Variants in MTUS1 observed in about 807,000 individuals in gnomAD.
MTUS1 encodes microtubule-associated tumor suppressor 1.
In MTUS1, 109 loss-of-function variants were observed where a neutral mutation model predicts 120.8. That is an observed-to-expected ratio of 0.90 (90% confidence interval 0.77 to 1.06). The LOEUF is 1.06. Among genes scored for constraint, MTUS1 ranks in the 50% least tolerant of loss-of-function variants. MTUS1 has a pLI of 0.00. For synonymous variants in MTUS1, 737 were observed against 550.5 expected (o/e 1.34, Z -4.74); for missense variants, 2,210 against 1,486.3 (o/e 1.49, Z -8.01).
chr8:17,695,499 T>TA (rs896024350), intron 6 of MTUS1, among the ~76,000 whole-genome samples: 1 of 152,194 alleles, frequency 6.6e-6, no homozygotes, highest in African/African-American at 2.4e-5. Context: ...AAAATAGTTT[T>TA]ACGTAAGTTT....
chr8:17,761,999 G>A (rs901724672), intron 1 of MTUS1, among the ~76,000 whole-genome samples: 1 of 152,210 alleles, frequency 6.6e-6, no homozygotes, highest in Non-Finnish European at 1.5e-5. Context: ...AGCAGTTGAG[G>A]CCTGGTGCAG....
Position 17,654,647 on chromosome 8 carries a change from G to T in MTUS1, c.3128C>A (p.Ala1043Glu). The T allele has an allele frequency of 6.2e-7, 1 of 1,613,560 alleles. No individual in the cohort carries two copies. Among genetic ancestry groups the T allele is most frequent in the Admixed American group, 1.7e-5 (1 of 60,016 alleles). The change falls in exon 10 of 15, where the codon GCG becomes GAG. Residue 1043 changes from alanine to glutamate, a missense_variant. Transcript: ENST00000693296. Reference protein sequence around the residue: ...LQEQFDNLNAAHETSKLEIEA... With the variant: ...LQEQFDNLNAEHETSKLEIEA... The stretch of plus-strand genomic sequence containing the variant: ...AATTTCCAACTTAGAGGTTTCATGC[G>T]CAGCATTTAAGTTGTCAAACTGTAA...
rs181761729 is a variant in MTUS1 at position 17,723,962 on chromosome 8, T to C, written c.2288-129A>G. On this transcript the variant is annotated intron_variant, in intron 3 of 14. Transcript: ENST00000693296. ...AACACAAAATGAATGTTCACAATCA[T>C]GTAACTTCAGATGAAAGATGAAAGC... 18 of 717,514 alleles carry C rather than the reference T, an allele frequency of 2.5e-5. No homozygotes were observed. The East Asian group carries it at 4.1e-4, about 16-fold the overall frequency. 44.4% of individuals were successfully genotyped at this position (717,514 alleles called of 1,614,324 possible). A position where few individuals can be genotyped will look rare whatever the true frequency, so the allele number is the denominator to read the frequency against.
At chr8:17,654,291 C>G (rs1807711921) in intron 10 of MTUS1, 1 of 476,868 alleles carries the variant, frequency 2.1e-6, no homozygotes, top group Admixed American at 3.6e-5. Flanking sequence ...GGGACCTAAG[C>G]TGGCAACCAC....
chr8:17,800,229 C>T (rs1443082279), intron 1 of MTUS1, among the ~76,000 whole-genome samples: 3 of 152,074 alleles, frequency 2.0e-5, no homozygotes, highest in African/African-American at 7.2e-5. Flanking sequence ...CTGGTAACAC[C>T]CCTACTCCCA....
intron 8 of MTUS1, among the ~76,000 whole-genome samples, chr8:17,659,894 C>T (rs1324939208): frequency 6.6e-6 from 1 of 152,146 alleles, no homozygotes; most frequent in Non-Finnish European, 1.5e-5. Context: ...CTCCCCTTCC[C>T]CAAGGCCCTG....
In MTUS1 at chr8:17,656,427, G is replaced by T. The variant is rs560967182; in HGVS notation, c.2906-362C>A. On this transcript the variant is annotated intron_variant, in intron 8 of 14. Transcript: ENST00000693296. ...CCTGTAATCCCAGCTACTCGGGAGGGTGAGGCAGGAGAATTGCTTGAACCC... is the reference window on the plus strand; with the variant it reads ...CCTGTAATCCCAGCTACTCGGGAGGTTGAGGCAGGAGAATTGCTTGAACCC... Among the ~76,000 whole-genome samples the T allele has an allele frequency of 2.6e-5, 4 of 151,502 alleles. No homozygotes were observed. The East Asian group carries it at 7.9e-4, about 30-fold the overall frequency.
At chr8:17,764,219 G>C (rs2049281798) in intron 1 of MTUS1, among the ~76,000 whole-genome samples, 1 of 152,080 alleles carries the variant, frequency 6.6e-6, no homozygotes, top group Non-Finnish European at 1.5e-5. Flanking sequence ...GCCTGTGCTT[G>C]TTTAATATGA....
At chr8:17,770,249 C>T (rs1006328580) in intron 1 of MTUS1, among the ~76,000 whole-genome samples, 1 of 152,062 alleles carries the variant, frequency 6.6e-6, no homozygotes, top group East Asian at 1.9e-4. Flanking sequence ...CATTTTCAAA[C>T]GTTCTAGAAT....
Position 17,699,434 on chromosome 8 carries a change from C to T in MTUS1, c.2623+13780G>A, listed in dbSNP as rs147021767. 2.7e-3 allele frequency among the ~76,000 whole-genome samples: 414 copies of T among 152,158 alleles called. 2 individuals are homozygous for T. The highest frequency in any genetic ancestry group is 9.3e-3 in the African/African-American group (387 of 41,492). Reference sequence around the variant, plus strand: ...TTCACCATGTTGGCCAGGCTCGTCTCGAACTCCTGACCTCAGGTGATCCAC... The same window carrying T: ...TTCACCATGTTGGCCAGGCTCGTCTTGAACTCCTGACCTCAGGTGATCCAC... On this transcript the variant is annotated intron_variant, in intron 6 of 14. Coordinates refer to ENST00000693296, the MANE Select transcript of MTUS1 (RefSeq NM_001363059.2).
intron 3 of MTUS1, among the ~76,000 whole-genome samples, chr8:17,738,286 G>A (rs983933399): frequency 2.6e-5 from 4 of 152,172 alleles, no homozygotes; most frequent in African/African-American, 9.7e-5. Flanking sequence ...TGTGTTTGCT[G>A]CATAAACACG....
chr8:17,759,922 A>G (rs2048905029), intron 1 of MTUS1, among the ~76,000 whole-genome samples: 1 of 152,090 alleles, frequency 6.6e-6, no homozygotes, highest in African/African-American at 2.4e-5. Context: ...TAATTCACAA[A>G]AAGAGATTGG....
intron 7 of MTUS1, chr8:17,681,742 G>C (rs1198893123): frequency 6.5e-6 from 1 of 154,734 alleles, no homozygotes; most frequent in Non-Finnish European, 1.5e-5. Flanking sequence ...AGGGGCAGTT[G>C]TTGCCAAATG....
In MTUS1 at chr8:17,755,760, G is replaced by A. The variant is rs1013293206; in HGVS notation, c.48C>T (p.Thr16=). 3.1e-6 allele frequency: 5 copies of A among 1,613,750 alleles called. No homozygotes were observed. Among genetic ancestry groups the A allele is most frequent in the African/African-American group, 2.7e-5 (2 of 74,900 alleles). Residue 16 remains threonine (T), a synonymous_variant, in exon 2 of 15, where the codon ACC becomes ACT. Coordinates refer to ENST00000693296, the MANE Select transcript of MTUS1 (RefSeq NM_001363059.2). ...TTCCATCTTTATCACTGGTAAAGAAGGTTTGCAATTCATCTTCTATTTTAT... is the reference window on the plus strand; with the variant it reads ...TTCCATCTTTATCACTGGTAAAGAAAGTTTGCAATTCATCTTCTATTTTAT... ...SDDKIEDELQ[T]FFTSDKDGNT... is the part of the protein sequence containing the mutation.
At chr8:17,792,470 T>C (rs760730000) in intron 1 of MTUS1, among the ~76,000 whole-genome samples, 1 of 152,248 alleles carries the variant, frequency 6.6e-6, no homozygotes, top group Non-Finnish European at 1.5e-5. Context: ...AAATGTAGGA[T>C]TTTTCTTACC....
At chr8:17,688,439 T>C (rs563522042) in intron 6 of MTUS1, among the ~76,000 whole-genome samples, 2 of 152,360 alleles carry the variant, frequency 1.3e-5, no homozygotes, top group East Asian at 1.9e-4. Context: ...ACTGACTGGA[T>C]GGTAAGTCCT....
intron 1 of MTUS1, among the ~76,000 whole-genome samples, chr8:17,779,957 ATC>A (rs1309276280): frequency 6.6e-6 from 1 of 152,216 alleles, no homozygotes; most frequent in Non-Finnish European, 1.5e-5. Flanking sequence ...TTTAACAGGA[ATC>A]TCTGACATGG....
rs760655755 is a variant in MTUS1, at chr8:17,755,106, T to C, written c.702A>G (p.Thr234=). 1.9e-6 allele frequency: 3 copies of C among 1,613,862 alleles called. No individual in the cohort carries two copies. The highest frequency in any genetic ancestry group is 2.7e-5 in the African/African-American group (2 of 74,910). The change falls in exon 2 of 15, where the codon ACA becomes ACG. Residue 234 remains threonine (T), a synonymous_variant. Transcript: ENST00000693296. The stretch of plus-strand genomic sequence containing the variant: ...AAGTCATGTCTTGGGCTTCTGATGG[T>C]GTGACTTGAGGGTTTTCAAAGCTTT... ...DRESFENPQV[T]PSEAQDMTYT...
intron 2 of MTUS1, among the ~76,000 whole-genome samples, chr8:17,751,042 C>T (rs1208994815): frequency 6.6e-6 from 1 of 152,160 alleles, no homozygotes; most frequent in Non-Finnish European, 1.5e-5. Context: ...TCCGACCGGG[C>T]GCGATGGCTC....
Sources: allele counts gnomAD v4.1 joint callset (sites outside exome capture counted in the v4.1 genomes callset), GRCh38; gene constraint gnomAD v4.1.1; transcripts MANE v1.5; gene names NCBI Gene and HGNC (gene_info 2026-07-23, HGNC 2026-07-21).